The following PCDHGA5 variants were observed in gnomAD, a reference collection of about 807,000 sequenced individuals.
PCDHGA5 encodes protocadherin gamma-A5.
In PCDHGA5, 36 loss-of-function variants were observed where a neutral mutation model predicts 56.7. The ratio of observed to expected loss-of-function variants is 0.64; its 90% CI spans 0.49 to 0.84. The LOEUF is 0.84. PCDHGA5 is among the 40% of genes least tolerant of loss of function. The probability of loss-of-function intolerance (pLI) is 0.00; values close to 1 mark genes in which losing one functional copy is unlikely to be tolerated. For missense variants in PCDHGA5, 1,305 were observed against 1,201.5 expected, an observed-to-expected ratio of 1.09 and a Z score of -1.27; for synonymous variants, 563 against 520.2, an observed-to-expected ratio of 1.08 and a Z score of -1.12.
At chr5:141,448,069 T>G (rs1184496754) in intron 1 of PCDHGA5, among the ~76,000 whole-genome samples, 1 of 151,202 alleles carries the variant, frequency 6.6e-6, no homozygotes, top group African/African-American at 2.4e-5. Context: ...CTGGGCAACA[T>G]GAACGAAATG....
chr5:141,393,893 T>C (rs761049644), intron 1 of PCDHGA5: 7 of 1,614,034 alleles, frequency 4.3e-6, no homozygotes, highest in Non-Finnish European at 5.1e-6. Flanking sequence ...TAGAAAATTC[T>C]CTTCCCGGGA....
intron 1 of PCDHGA5, chr5:141,383,335 A>C (rs768493481): frequency 2.6e-5 from 42 of 1,613,892 alleles, no homozygotes; most frequent in Non-Finnish European, 3.4e-5. Flanking sequence ...AATGGAGAAT[A>C]CAGCTCCTGG....
In PCDHGA5 at chr5:141,365,601, T is replaced by C; in HGVS notation, c.1271T>C (p.Val424Ala). Residue 424 changes from valine (V) to alanine (A), a missense_variant, in exon 1 of 4, where the codon GTC (valine) becomes GCC (alanine). Val to Ala is a moderately conservative substitution (Grantham distance 64, BLOSUM62 0). Coordinates refer to ENST00000518069, the MANE Select transcript of PCDHGA5 (RefSeq NM_018918.3). Reference protein sequence around the residue: ...ETSDYNITLTVMDHGTPPLST... With the variant: ...ETSDYNITLTAMDHGTPPLST... ...TCAGATTATAATATCACTTTAACCG[T>C]CATGGACCATGGAACCCCGCCCCTC... 1 of 1,613,644 alleles carries C rather than the reference T, an allele frequency of 6.2e-7. No individual in the cohort carries two copies. Among genetic ancestry groups the C allele is most frequent in the Non-Finnish European group, 8.5e-7 (1 of 1,179,880 alleles).
chr5:141,391,303 ATTCTTTTTTTT>A (rs2092340493), intron 1 of PCDHGA5: 1 of 150,682 alleles, frequency 6.6e-6, no homozygotes, highest in South Asian at 2.1e-4. Flanking sequence ...ACGTCTTTCG[ATTCTTTTTTTT>A]TTCTTTTTTT....
At chr5:141,463,460 T>TA (rs1554144871) in intron 1 of PCDHGA5, among the ~76,000 whole-genome samples, 2 of 136,122 alleles carry the variant, frequency 1.5e-5, no homozygotes, top group Non-Finnish European at 3.1e-5. Context: ...TTTTTTTTTT[T>TA]TTTTTTGAGA....
At position 141,366,074 on chromosome 5, in the gene PCDHGA5, G is replaced by T. The variant is rs1167288837; in HGVS notation, c.1744G>T (p.Ala582Ser). 4 of 1,614,100 alleles carry T rather than the reference G, an allele frequency of 2.5e-6. No homozygotes were observed. The highest frequency in any genetic ancestry group is 1.3e-5 in the African/African-American group (1 of 74,948). ...STGVELAPRS[A>S]EPGYLVTKVV... is the part of the protein sequence containing the mutation. ...GGGCGTGGAGCTGGCGCCTCGCTCCGCAGAACCTGGCTACCTGGTGACCAA... is the reference window on the plus strand; with the variant it reads ...GGGCGTGGAGCTGGCGCCTCGCTCCTCAGAACCTGGCTACCTGGTGACCAA... Residue 582 changes from alanine to serine, a missense_variant, in exon 1 of 4, where the codon GCA becomes TCA. Ala to Ser is a moderately conservative substitution (Grantham distance 99). Transcript: ENST00000518069.
At position 141,418,522 on chromosome 5, in the gene PCDHGA5, C is replaced by T. The variant is rs751177053; in HGVS notation, c.2421+51771C>T. The T allele has an allele frequency of 1.5e-5, 24 of 1,613,884 alleles. No individual in the cohort carries two copies. The African/African-American group carries it at 2.7e-4, about 18-fold the overall frequency. ...CCGCCTTAGATGGTGGGGACCCTCC[C>T]CGAAGCGGTACTGCTCAGATAAGAA... is the stretch of plus-strand genomic sequence containing the variant. On this transcript the variant is annotated intron_variant, in intron 1 of 3. Transcript: ENST00000518069.
At chr5:141,371,281 G>A in intron 1 of PCDHGA5, 1 of 1,614,034 alleles carries the variant, frequency 6.2e-7, no homozygotes, top group Non-Finnish European at 8.5e-7. Context: ...AAGCTGGACA[G>A]TAAAACGGGG....
At chr5:141,415,352 C>T in intron 1 of PCDHGA5, 1 of 1,614,228 alleles carries the variant, frequency 6.2e-7, no homozygotes, top group Non-Finnish European at 8.5e-7. Context: ...TGGCACAAGT[C>T]ACGCCTGCTG....
Position 141,432,617 on chromosome 5 carries a change from G to T in PCDHGA5, c.2422-62190G>T, listed in dbSNP as rs2097521313. The T allele has an allele frequency of 6.2e-7, 1 of 1,613,578 alleles. No homozygotes were observed. The highest frequency in any genetic ancestry group is 1.3e-5 in the African/African-American group (1 of 74,842). On this transcript the variant is annotated intron_variant, in intron 1 of 3. Coordinates refer to ENST00000518069, the MANE Select transcript of PCDHGA5 (RefSeq NM_018918.3). This position sits in a 1 kb window ranked among gnomAD's most constrained non-coding sequence, Gnocchi z 6.0. ...CAGCGAGCCGGGACTCTTCTCGGTGGGTCTGCACACGGGCGAGGTGCGCAC... is the reference window on the plus strand; with the variant it reads ...CAGCGAGCCGGGACTCTTCTCGGTGTGTCTGCACACGGGCGAGGTGCGCAC...
At chr5:141,409,741 G>A in intron 1 of PCDHGA5, 2 of 1,613,122 alleles carry the variant, frequency 1.2e-6, no homozygotes, top group Non-Finnish European at 1.7e-6. Context: ...AGAGCGGGGT[G>A]GTGTTCGCGC....
rs976135607 is a variant in PCDHGA5 at position 141,489,115 on chromosome 5, C to A, written c.2422-5692C>A. ...CTAAGAACTGCTGCAAGCAGGCAAA[C>A]CTCCGAGCAGTTTTTAAGAGGCTGG... On this transcript the variant is annotated intron_variant, in intron 1 of 3. Coordinates refer to ENST00000518069, the MANE Select transcript of PCDHGA5 (RefSeq NM_018918.3). This position sits in a 1 kb window ranked among gnomAD's most constrained non-coding sequence, Gnocchi z 4.5. 7.3e-5 allele frequency: 37 copies of A among 506,794 alleles called. No homozygotes were observed. Among genetic ancestry groups the A allele is most frequent in the Non-Finnish European group, 1.2e-4 (35 of 298,604 alleles). 31.4% of individuals were successfully genotyped at this position (506,794 alleles called of 1,614,324 possible).
chr5:141,494,792 C>A lies in PCDHGA5; in HGVS notation c.2422-15C>A. The A allele has an allele frequency of 6.2e-7, 1 of 1,614,132 alleles. No individual in the cohort carries two copies. Among genetic ancestry groups the A allele is most frequent in the East Asian group, 2.2e-5 (1 of 44,878 alleles). Reference sequence around the variant, plus strand: ...TCACGGGTACTCAGCCCCTTTCCCTCTGTTTTCTCCACAGCAAGCCCCGCC... The same window carrying A: ...TCACGGGTACTCAGCCCCTTTCCCTATGTTTTCTCCACAGCAAGCCCCGCC... On this transcript the variant is annotated splice_polypyrimidine_tract_variant and intron_variant, in intron 1 of 3. Transcript: ENST00000518069.
intron 1 of PCDHGA5, among the ~76,000 whole-genome samples, chr5:141,443,722 C>G (rs2098401001): frequency 6.6e-6 from 1 of 152,012 alleles, no homozygotes; most frequent in Admixed American, 6.6e-5. Context: ...TATAAAATTC[C>G]TCATACATTT....
At chr5:141,423,821 C>A (rs2096784513) in intron 1 of PCDHGA5, 1 of 1,272,728 alleles carries the variant, frequency 7.9e-7, no homozygotes, top group Admixed American at 3.9e-5. Context: ...TTTACTTTGC[C>A]TTTCATGAGA....
At chr5:141,394,513 T>C in intron 1 of PCDHGA5, 1 of 1,614,112 alleles carries the variant, frequency 6.2e-7, no homozygotes, top group Non-Finnish European at 8.5e-7. Flanking sequence ...TACCCCGCCC[T>C]CCCCACAGAC....
rs2734872 is a variant in PCDHGA5 at position 141,474,454 on chromosome 5, C to T, written c.2422-20353C>T. On this transcript the variant is annotated intron_variant, in intron 1 of 3. Transcript: ENST00000518069. ...ACACTTTGAGTAGCAAGTGATTGGG[C>T]TATACTCTTTATTCTAAATTCTAAA... Among the ~76,000 whole-genome samples, 6 of 152,308 alleles carry T rather than the reference C, an allele frequency of 3.9e-5. No individual in the cohort carries two copies. The East Asian group carries it at 1.2e-3, about 29-fold the overall frequency.
rs537985555 is a variant in PCDHGA5 at position 141,449,278 on chromosome 5, C to A, written c.2422-45529C>A. On this transcript the variant is annotated intron_variant, in intron 1 of 3. Coordinates refer to ENST00000518069, the MANE Select transcript of PCDHGA5 (RefSeq NM_018918.3). ...TGTACAAAGAACTGTATCTCCTTCA[C>A]CCGGATGCACCGGGTGAATTATATG... Among the ~76,000 whole-genome samples the A allele has an allele frequency of 4.6e-5, 7 of 152,166 alleles. No homozygotes were observed. In the South Asian group the frequency reaches 1.5e-3, roughly 32 times the overall value.
chr5:141,446,936 C>G (rs935365668), intron 1 of PCDHGA5, among the ~76,000 whole-genome samples: 3 of 152,176 alleles, frequency 2.0e-5, no homozygotes, highest in African/African-American at 7.2e-5. Context: ...CTCTTTTTCA[C>G]TGTAAGAAAC....
Sources: gnomAD v4.1 joint callset for allele counts (sites outside exome capture counted in the v4.1 genomes callset) on GRCh38, gnomAD v4.1.1 for gene constraint, Gnocchi (gnomAD v3.1) non-coding constraint, MANE v1.5 for transcripts, NCBI Gene and HGNC (gene_info 2026-07-23, HGNC 2026-07-21) for gene names.